Variants in SOX6 observed in about 807,000 individuals in gnomAD.
The protein encoded by SOX6 is SRY-box transcription factor 6.
In SOX6, 11 loss-of-function variants were observed where a neutral mutation model predicts 97.8. The observed-to-expected ratio is 0.11, with a 90% CI of 0.07 to 0.19. SOX6 has a LOEUF of 0.19. SOX6 is among the 10% of genes least tolerant of loss of function. The pLI is 1.00. For missense variants in SOX6, 810 were observed against 1,039.5 expected (o/e 0.78, Z 3.04); for synonymous variants, 360 against 371.4 (o/e 0.97, Z 0.35).
At chr11:16,206,614 CGCAAGTTAATACATGTGAA>C (rs1852079093) in intron 4 of SOX6, among the ~76,000 whole-genome samples, 2 of 152,076 alleles carry the variant, frequency 1.3e-5, no homozygotes, top group African/African-American at 4.8e-5. Context: ...AGTGAGTTAA[CGCAAGTTAATACATGTGAA>C]GCACTTAGAA....
At chr11:16,283,858 C>T (rs1223417489) in intron 3 of SOX6, 2 of 396,190 alleles carry the variant, frequency 5.0e-6, no homozygotes, top group Admixed American at 3.4e-5. Context: ...TGTTATTCTC[C>T]TTTCAGCAGT....
At chr11:16,383,463 C>T (rs1857887989) in intron 1 of SOX6, among the ~76,000 whole-genome samples, 1 of 151,846 alleles carries the variant, frequency 6.6e-6, no homozygotes, top group South Asian at 2.1e-4. Flanking sequence ...ATCCTGCTTC[C>T]ACCACTTACC....
intron 12 of SOX6, among the ~76,000 whole-genome samples, chr11:16,022,790 C>T (rs369912164): frequency 1.3e-5 from 2 of 152,132 alleles, no homozygotes; most frequent in South Asian, 2.1e-4. Context: ...CATGTAGGAG[C>T]TGGATAATTA....
intron 1 of SOX6, among the ~76,000 whole-genome samples, chr11:16,410,460 A>G (rs1858781591): frequency 6.6e-6 from 1 of 152,132 alleles, no homozygotes; most frequent in Non-Finnish European, 1.5e-5. Flanking sequence ...TCGTTTTTAA[A>G]AGATATGAGC....
At chr11:16,674,189 CAAAAAA>C (rs61516612) in intron 3 of SOX6, among the ~76,000 whole-genome samples, 1 of 76,326 alleles carries the variant, frequency 1.3e-5, no homozygotes, top group African/African-American at 5.6e-5. Context: ...GACTCCATCT[CAAAAAA>C]AAAAAAAAAA....
intron 7 of SOX6, among the ~76,000 whole-genome samples, chr11:16,109,687 T>A (rs561834844): frequency 6.6e-6 from 1 of 152,218 alleles, no homozygotes; most frequent in African/African-American, 2.4e-5. Flanking sequence ...TAAGAACATA[T>A]AATTTTAATG....
At position 15,981,242 on chromosome 11, in the gene SOX6, A is replaced by C. The variant is rs998244903; in HGVS notation, c.2183+4962T>G. Among the ~76,000 whole-genome samples, 8 of 152,220 alleles carry C rather than the reference A, an allele frequency of 5.3e-5. No individual in the cohort carries two copies. In the East Asian group the frequency reaches 7.7e-4, roughly 15 times the overall value. On this transcript the variant is annotated intron_variant, in intron 15 of 15. Coordinates refer to ENST00000683767, the MANE Select transcript of SOX6 (RefSeq NM_001367873.1). ...TTTACAAATAATGAATGTGCACATC[A>C]AAACAACATTTGTGGATGTTTGTAA...
chr11:16,627,436 C>A (rs1848637643), intron 3 of SOX6, among the ~76,000 whole-genome samples: 1 of 152,128 alleles, frequency 6.6e-6, no homozygotes, highest in Non-Finnish European at 1.5e-5. Context: ...TCTCCACCAA[C>A]AACGTATAAG....
chr11:16,523,836 C>T (rs1235528743), intron 4 of SOX6, among the ~76,000 whole-genome samples: 4 of 152,218 alleles, frequency 2.6e-5, no homozygotes, highest in African/African-American at 4.8e-5. Context: ...AAACTACCAT[C>T]AGAGAATACT....
intron 12 of SOX6, among the ~76,000 whole-genome samples, chr11:16,036,006 C>T (rs1355650494): frequency 6.6e-6 from 1 of 151,390 alleles, no homozygotes; most frequent in Non-Finnish European, 1.5e-5. Context: ...CACTTCACTT[C>T]TGTTTCTTCA....
intron 3 of SOX6, among the ~76,000 whole-genome samples, chr11:16,636,494 C>T (rs1017852066): frequency 1.3e-5 from 2 of 152,100 alleles, no homozygotes; most frequent in African/African-American, 4.8e-5. Context: ...TGCCTTGTCT[C>T]AAATAAGACT....
At chr11:16,694,716 C>T (rs1848040641) in intron 3 of SOX6, among the ~76,000 whole-genome samples, 1 of 151,966 alleles carries the variant, frequency 6.6e-6, no homozygotes, top group Non-Finnish European at 1.5e-5. Context: ...ACAAACATAC[C>T]AAACACAGCA....
In SOX6 at chr11:16,666,588, T is replaced by C. The variant is rs1847808645; in HGVS notation, n.429+48242A>G. On this transcript the variant is annotated intron_variant and non_coding_transcript_variant, in intron 3 of 5. Transcript: ENST00000524520. Reference sequence around the variant, plus strand: ...TGGAAGGCCAAGGCAGGCAGATCACTTGAGATTAGGAGTTTGAAAACAGCC... The same window carrying C: ...TGGAAGGCCAAGGCAGGCAGATCACCTGAGATTAGGAGTTTGAAAACAGCC... Among the ~76,000 whole-genome samples the C allele has an allele frequency of 2.6e-5, 4 of 152,200 alleles. No individual in the cohort carries two copies. The South Asian group carries it at 8.3e-4, about 32-fold the overall frequency.
chr11:15,995,455 A>G (rs113924485), intron 13 of SOX6, among the ~76,000 whole-genome samples: 9 of 152,260 alleles, frequency 5.9e-5, no homozygotes, highest in African/African-American at 9.6e-5. Context: ...TCAGAGGAAG[A>G]TAATAGAATA....
At chr11:16,135,660 G>A (rs184402605) in intron 6 of SOX6, among the ~76,000 whole-genome samples, 59 of 152,258 alleles carry the variant, frequency 3.9e-4, no homozygotes, top group Admixed American at 2.6e-4. Flanking sequence ...GTGAAGTTGC[G>A]CCTTATAGGT....
chr11:16,048,741 A>G (rs1350036492), intron 11 of SOX6, among the ~76,000 whole-genome samples: 1 of 152,116 alleles, frequency 6.6e-6, no homozygotes, highest in Non-Finnish European at 1.5e-5. Context: ...TCAATAATAC[A>G]AGGAAGGTAA....
intron 1 of SOX6, among the ~76,000 whole-genome samples, chr11:16,411,705 C>T (rs1420861483): frequency 6.6e-6 from 1 of 152,080 alleles, no homozygotes; most frequent in Non-Finnish European, 1.5e-5. Flanking sequence ...AAAAACATTA[C>T]TTCTTTAACA....
intron 1 of SOX6, among the ~76,000 whole-genome samples, chr11:16,450,527 A>C (rs1405949156): frequency 6.6e-6 from 1 of 152,222 alleles, no homozygotes; most frequent in Admixed American, 6.5e-5. Flanking sequence ...CAAACTTTCT[A>C]ACCTGGGCAC....
intron 3 of SOX6, among the ~76,000 whole-genome samples, chr11:16,705,572 A>G (rs1481004812): frequency 6.6e-6 from 1 of 152,112 alleles, no homozygotes; most frequent in African/African-American, 2.4e-5. Flanking sequence ...GGTTACAGTG[A>G]GCTATGATAG....
Sources: gnomAD v4.1 joint callset for allele counts (sites outside exome capture counted in the v4.1 genomes callset) on GRCh38, gnomAD v4.1.1 for gene constraint, MANE v1.5 for transcripts, NCBI Gene and HGNC (gene_info 2026-07-23, HGNC 2026-07-21) for gene names.